Variants in KCNN2 observed in about 807,000 individuals in gnomAD.
The protein encoded by KCNN2 is potassium calcium-activated channel subfamily N member 2.
KCNN2 carries 24 observed loss-of-function variants against 55.5 expected under a neutral mutation model. The observed-to-expected ratio is 0.43, with a 90% CI of 0.31 to 0.61. The LOEUF (loss-of-function observed/expected upper bound fraction) is 0.61. Among genes scored for constraint, KCNN2 ranks in the 20% least tolerant of loss-of-function variants. The probability of loss-of-function intolerance (pLI) is 0.08; values close to 1 mark genes in which losing one functional copy is unlikely to be tolerated. For missense variants in KCNN2, 754 were observed against 853.6 expected, an observed-to-expected ratio of 0.88 and a Z score of 1.45; for synonymous variants, 431 against 336.1, an observed-to-expected ratio of 1.28 and a Z score of -3.09.
At chr5:114,288,743 C>A (rs1233337364) in intron 2 of KCNN2, among the ~76,000 whole-genome samples, 1 of 152,008 alleles carries the variant, frequency 6.6e-6, no homozygotes, top group Non-Finnish European at 1.5e-5. Context: ...TTGTAAGTAT[C>A]TTTATATTCT....
chr5:114,449,618 C>T (rs1760563183), intron 3 of KCNN2, among the ~76,000 whole-genome samples: 1 of 152,126 alleles, frequency 6.6e-6, no homozygotes. Flanking sequence ...GGGGCAGCAC[C>T]TCTGAACCCA....
chr5:114,130,376 G>A (rs1249727892), intron 1 of KCNN2, among the ~76,000 whole-genome samples: 4 of 152,140 alleles, frequency 2.6e-5, no homozygotes, highest in African/African-American at 9.7e-5. Context: ...TGTGGCTCAT[G>A]CCATCATTTT....
intron 3 of KCNN2, among the ~76,000 whole-genome samples, chr5:114,460,806 A>C (rs148799305): frequency 9.8e-5 from 15 of 152,370 alleles, no homozygotes; most frequent in Admixed American, 7.2e-4. Flanking sequence ...TGGTATGTAC[A>C]TACATATGCA....
chr5:114,269,649 C>A (rs1234832020), intron 2 of KCNN2, among the ~76,000 whole-genome samples: 1 of 152,084 alleles, frequency 6.6e-6, no homozygotes, highest in Non-Finnish European at 1.5e-5. Flanking sequence ...CATTCAGGAG[C>A]CCCAGGTTCA....
chr5:114,237,318 G>A (rs1438875773), intron 2 of KCNN2, among the ~76,000 whole-genome samples: 5 of 147,138 alleles, frequency 3.4e-5, no homozygotes, highest in African/African-American at 7.6e-5. Flanking sequence ...ACACCCCACA[G>A]AAAAAAAAAA....
intron 3 of KCNN2, among the ~76,000 whole-genome samples, chr5:114,420,537 G>C (rs945107926): frequency 6.6e-6 from 1 of 152,086 alleles, no homozygotes; most frequent in African/African-American, 2.4e-5. Flanking sequence ...TTTCTTATAG[G>C]AGTCTCTACT....
At chr5:114,128,501 A>C (rs1174276355) in intron 1 of KCNN2, among the ~76,000 whole-genome samples, 1 of 152,238 alleles carries the variant, frequency 6.6e-6, no homozygotes, top group Non-Finnish European at 1.5e-5. Context: ...TATGGGAACT[A>C]CAATTCAAGA....
intron 6 of KCNN2, among the ~76,000 whole-genome samples, chr5:114,489,438 A>T (rs1747741148): frequency 6.6e-6 from 1 of 151,958 alleles, no homozygotes; most frequent in South Asian, 2.1e-4. Context: ...TTGTGTTTGG[A>T]TAGAGTGACA....
In KCNN2 at chr5:114,363,268, G is replaced by T. The variant is rs772940884; in HGVS notation, c.1122+7G>T. On this transcript the variant is annotated splice_region_variant and intron_variant, in intron 1 of 7. Coordinates refer to ENST00000673685, the MANE Select transcript of KCNN2 (RefSeq NM_021614.4). ...GTGGGGCGCCTACGACAAGGTACAG[G>T]CTTGAACCCCAGCCCACGCTACCGG... 4.4e-6 allele frequency: 7 copies of T among 1,589,726 alleles called. No individual in the cohort carries two copies. Among genetic ancestry groups the T allele is most frequent in the Middle Eastern group, 1.7e-4 (1 of 5,948 alleles).
chr5:114,293,780 C>T (rs918314222), intron 2 of KCNN2, among the ~76,000 whole-genome samples: 49 of 152,282 alleles, frequency 3.2e-4, no homozygotes, highest in African/African-American at 1.1e-3. Flanking sequence ...CCAGTTCCTC[C>T]TTTTACCTCT....
intron 1 of KCNN2, among the ~76,000 whole-genome samples, chr5:114,153,335 T>G (rs1752564240): frequency 1.3e-5 from 2 of 152,168 alleles, no homozygotes; most frequent in Admixed American, 1.3e-4. Context: ...CTGACCTCCA[T>G]GGAATAATCA....
At chr5:114,081,487 T>C (rs1750819153) in intron 1 of KCNN2, among the ~76,000 whole-genome samples, 1 of 152,152 alleles carries the variant, frequency 6.6e-6, no homozygotes, top group Admixed American at 6.5e-5. Flanking sequence ...CTCCTAAATA[T>C]GTTCAAATGA....
Position 114,179,615 on chromosome 5 carries a change from G to C in KCNN2, c.-270-41865G>C, listed in dbSNP as rs561097550. On this transcript the variant is annotated intron_variant, in intron 1 of 10. Coordinates refer to the KCNN2 transcript ENST00000512097. ...ACTTCCCTGTCTACTTTTAGACAGT[G>C]TTTGGACTTCTGAAAGAAAATGTCA... 3.9e-5 allele frequency among the ~76,000 whole-genome samples: 6 copies of C among 152,138 alleles called. No individual in the cohort carries two copies. The East Asian group carries it at 1.2e-3, about 29-fold the overall frequency.
At chr5:114,164,316 A>G (rs955840584) in intron 1 of KCNN2, among the ~76,000 whole-genome samples, 1 of 152,166 alleles carries the variant, frequency 6.6e-6, no homozygotes, top group Admixed American at 6.5e-5. Flanking sequence ...ATATTAATAT[A>G]TCCTTTAACT....
intron 2 of KCNN2, among the ~76,000 whole-genome samples, chr5:114,368,209 T>C (rs1757661794): frequency 6.6e-6 from 1 of 152,192 alleles, no homozygotes; most frequent in Non-Finnish European, 1.5e-5. Context: ...ACATGGATTT[T>C]GGTGTCTGTG....
rs554217425 is a variant in KCNN2 at position 114,299,856 on chromosome 5, C to G, written c.-184-61089C>G. On this transcript the variant is annotated intron_variant, in intron 2 of 10. Transcript: ENST00000512097. ...GTGAAGATATCTCCAGGTCTATCTA[C>G]CCAGTCATCTACCACCCTCAGTCAT... is the stretch of plus-strand genomic sequence containing the variant. Among the ~76,000 whole-genome samples, 34 of 152,268 alleles carry G rather than the reference C, an allele frequency of 2.2e-4. 1 individual carries two copies. The highest frequency in any genetic ancestry group is 1.9e-3 in the Admixed American group (29 of 15,292).
At chr5:114,430,586 T>A (rs1255960623) in intron 3 of KCNN2, among the ~76,000 whole-genome samples, 1 of 152,114 alleles carries the variant, frequency 6.6e-6, no homozygotes, top group Non-Finnish European at 1.5e-5. Context: ...CTGTGTACTA[T>A]TTTTTCTTGT....
Position 114,304,199 on chromosome 5 carries a change from G to A in KCNN2, c.-184-56746G>A, listed in dbSNP as rs547088994. 2.0e-5 allele frequency among the ~76,000 whole-genome samples: 3 copies of A among 152,112 alleles called. No individual in the cohort carries two copies. In the East Asian group the frequency reaches 5.8e-4, roughly 29 times the overall value. On this transcript the variant is annotated intron_variant, in intron 2 of 10. Transcript: ENST00000512097. ...TATTTTCAGCTAGAGCCAACATAGC[G>A]GGCCAACCCATCTGGGAAACAGGTT...
At chr5:114,262,052 G>A (rs185910593) in intron 2 of KCNN2, among the ~76,000 whole-genome samples, 56 of 152,240 alleles carry the variant, frequency 3.7e-4, no homozygotes, top group Admixed American at 1.6e-3. Flanking sequence ...TCTGAGAGTA[G>A]GGCTTTAGTG....
Sources: allele counts gnomAD v4.1 joint callset (sites outside exome capture counted in the v4.1 genomes callset), GRCh38; gene constraint gnomAD v4.1.1; transcripts MANE v1.5; gene names NCBI Gene and HGNC (gene_info 2026-07-23, HGNC 2026-07-21).